SENP5: variants seen among roughly 807,000 people sequenced by gnomAD.
SENP5 encodes the protein sentrin-specific protease 5.
Under a neutral mutation model 74.2 loss-of-function variants are expected in SENP5, and 21 were observed. The ratio of observed to expected loss-of-function variants is 0.28; its 90% CI spans 0.20 to 0.41. The LOEUF (loss-of-function observed/expected upper bound fraction) is 0.41. Among genes scored for constraint, SENP5 ranks in the 10% least tolerant of loss-of-function variants. The pLI, the probability that SENP5 is intolerant of heterozygous loss-of-function variation, is 1.00. For synonymous variants in SENP5, 311 were observed against 312.7 expected (o/e 0.99, Z 0.06); for missense variants, 717 against 889.1 (o/e 0.81, Z 2.46).
chr3:196,911,468 G>T (rs545924838), intron 6 of SENP5, among the ~76,000 whole-genome samples: 1 of 151,666 alleles, frequency 6.6e-6, no homozygotes, highest in African/African-American at 2.4e-5. Flanking sequence ...TGAGACAGGA[G>T]AATTGCTTGA....
chr3:196,891,680 TC>T (rs1714205864), intron 2 of SENP5, among the ~76,000 whole-genome samples: 1 of 152,184 alleles, frequency 6.6e-6, no homozygotes. Context: ...ATGCCTGTAG[TC>T]CCAGCTCCTC....
rs140304205 is a variant in SENP5, at chr3:196,885,365, A to G, written c.184A>G (p.Lys62Glu). 1.2e-6 allele frequency: 2 copies of G among 1,614,216 alleles called. No homozygotes were observed. Among genetic ancestry groups the G allele is most frequent in the Non-Finnish European group, 1.7e-6 (2 of 1,180,046 alleles). The change falls in exon 2 of 10, where the codon AAA becomes GAA. Residue 62 changes from lysine (K) to glutamate (E), a missense_variant. Around this residue, in one of 4 missense-constraint regions of SENP5, gnomAD observed 567 missense variants for 577.4 expected, o/e 0.98. Transcript: ENST00000323460. ...GTTGAGACATTTCCAGGGTAGAAAG[A>G]AAGCTCTTCAAATCCAGAAAACGTG... is the stretch of plus-strand genomic sequence containing the variant. ...RQLRHFQGRK[K>E]ALQIQKTWIK... is the part of the protein sequence containing the mutation.
chr3:196,892,494 A>G (rs1560146827), intron 2 of SENP5, among the ~76,000 whole-genome samples: 1 of 152,208 alleles, frequency 6.6e-6, no homozygotes, highest in Non-Finnish European at 1.5e-5. Context: ...ATGGGGTACA[A>G]TGTGATGTTT....
chr3:196,898,971 T>C (rs6583185), intron 2 of SENP5, among the ~76,000 whole-genome samples: 149,409 of 152,022 alleles, frequency 0.98, 73,429 homozygotes, highest in East Asian at 1. Context: ...CACAGCTATT[T>C]GGGAGGATGA....
intron 7 of SENP5, 79 bp downstream of exon 7, chr3:196,923,630 CAGTCAAAACCATAT>C: frequency 1.1e-6 from 1 of 934,972 alleles, no homozygotes; most frequent in South Asian, 1.6e-5. Flanking sequence ...AGAACAGCAG[CAGTCAAAACCATAT>C]AGGAACAGTT....
At chr3:196,900,605 G>A (rs374010386) in intron 5 of SENP5, among the ~76,000 whole-genome samples, 193 bp downstream of exon 5, 52 of 152,182 alleles carry the variant, frequency 3.4e-4, no homozygotes, top group African/African-American at 1.1e-3. Context: ...TTCTTTTTGA[G>A]ATGGAGTTTT....
intron 7 of SENP5, 127 bp from the exon 8 acceptor site, chr3:196,927,669 C>A: frequency 2.0e-6 from 1 of 493,338 alleles, no homozygotes; most frequent in Non-Finnish European, 3.6e-6. Flanking sequence ...GTTCCAGCTT[C>A]TTAATGCATA....
chr3:196,882,540 G>T (rs573562672), intron 1 of SENP5, among the ~76,000 whole-genome samples: 2 of 152,172 alleles, frequency 1.3e-5, no homozygotes, highest in Admixed American at 1.3e-4. Context: ...GTCTTGCTCT[G>T]TCGCCCAGGC....
intron 6 of SENP5, among the ~76,000 whole-genome samples, chr3:196,911,599 T>C (rs1201703912): frequency 6.9e-6 from 1 of 144,764 alleles, no homozygotes; most frequent in Non-Finnish European, 1.5e-5. Flanking sequence ...AAAAAACATA[T>C]GAAAAAACCT....
chr3:196,891,814 G>A (rs901594837), intron 2 of SENP5, among the ~76,000 whole-genome samples: 5 of 151,872 alleles, frequency 3.3e-5, no homozygotes, highest in African/African-American at 1.2e-4. Context: ...TTTTTGAGAC[G>A]GAGTCTCACT....
intron 1 of SENP5, among the ~76,000 whole-genome samples, chr3:196,876,007 G>A (rs1713449122): frequency 6.6e-6 from 1 of 152,132 alleles, no homozygotes; most frequent in South Asian, 2.1e-4. Context: ...ACAGGCATAA[G>A]CCACCATGCC....
chr3:196,896,379 T>C (rs1441386468), intron 2 of SENP5, among the ~76,000 whole-genome samples: 1 of 152,228 alleles, frequency 6.6e-6, no homozygotes, highest in East Asian at 1.9e-4. Flanking sequence ...ATCTTAGTTC[T>C]ACCATATGCT....
At chr3:196,869,177 G>T (rs1713088321) in intron 1 of SENP5, among the ~76,000 whole-genome samples, 4 of 151,604 alleles carry the variant, frequency 2.6e-5, no homozygotes, top group Admixed American at 1.3e-4. Context: ...CTGGGGAGGG[G>T]GGCTTCATTT....
In SENP5 at chr3:196,885,457, G is replaced by C. The variant is rs1713915321; in HGVS notation, c.276G>C (p.Leu92Phe). 6.2e-7 allele frequency: 1 copy of C among 1,614,126 alleles called. No individual in the cohort carries two copies. The highest frequency in any genetic ancestry group is 8.5e-7 in the Non-Finnish European group (1 of 1,180,036). The change falls in exon 2 of 10, where the codon TTG (leucine) becomes TTC (phenylalanine). Residue 92 changes from leucine to phenylalanine, a missense_variant. Around this residue, in one of 4 missense-constraint regions of SENP5, gnomAD observed 567 missense variants for 577.4 expected, o/e 0.98. Coordinates refer to ENST00000323460, the MANE Select transcript of SENP5 (RefSeq NM_152699.5). ...TGGCTACTCAAAATGTTAGTACTTT[G>C]TCCTCTAAAGTGAAAAGAAAGGACG... Reference protein sequence around the residue: ...FNVATQNVSTLSSKVKRKDAK... With the variant: ...FNVATQNVSTFSSKVKRKDAK...
chr3:196,893,943 A>G (rs569345452), intron 2 of SENP5, among the ~76,000 whole-genome samples: 2 of 151,974 alleles, frequency 1.3e-5, no homozygotes, highest in Admixed American at 1.3e-4. Context: ...TGTGTTTAAG[A>G]AATACATGTT....
intron 6 of SENP5, among the ~76,000 whole-genome samples, chr3:196,920,131 T>C (rs1283920087): frequency 1.3e-5 from 2 of 152,224 alleles, no homozygotes; most frequent in Admixed American, 6.5e-5. Flanking sequence ...ATGATTGGGA[T>C]TGTGTTTATA....
intron 6 of SENP5, among the ~76,000 whole-genome samples, chr3:196,906,233 A>G (rs1016626691): frequency 2.0e-5 from 3 of 152,152 alleles, no homozygotes; most frequent in African/African-American, 7.2e-5. Context: ...AAAGAAAAAA[A>G]GACATCAGAA....
chr3:196,918,412 T>C (rs936633760), intron 6 of SENP5, among the ~76,000 whole-genome samples: 2 of 149,632 alleles, frequency 1.3e-5, no homozygotes, highest in African/African-American at 4.9e-5. Flanking sequence ...TTTTTTTTGG[T>C]AACGAGTTAT....
intron 1 of SENP5, among the ~76,000 whole-genome samples, chr3:196,873,780 A>G (rs374703199): frequency 6.6e-6 from 1 of 152,128 alleles, no homozygotes; most frequent in Non-Finnish European, 1.5e-5. Context: ...CGGAGCTTGC[A>G]GTGAGCTGAG....
Sources: allele counts gnomAD v4.1 joint callset (sites outside exome capture counted in the v4.1 genomes callset), GRCh38; gene constraint gnomAD v4.1.1; regional missense constraint gnomAD v4.1.1; transcripts MANE v1.5; gene names NCBI Gene and HGNC (gene_info 2026-07-23, HGNC 2026-07-21).